Variants in MAGI2 observed in about 807,000 individuals in gnomAD.
MAGI2 encodes the protein membrane-associated guanylate kinase, WW and PDZ domain-containing protein 2.
In MAGI2, 35 loss-of-function variants were observed where a neutral mutation model predicts 133.3. The ratio of observed to expected loss-of-function variants is 0.26; its 90% CI spans 0.20 to 0.35. The LOEUF (loss-of-function observed/expected upper bound fraction) is 0.35, where lower values mean the gene tolerates loss of function less well. Among genes scored for constraint, MAGI2 ranks in the 10% least tolerant of loss-of-function variants. The pLI, the probability that MAGI2 is intolerant of heterozygous loss-of-function variation, is 1.00. For missense variants in MAGI2, 1,636 were observed against 1,863.4 expected (o/e 0.88, Z 2.25); for synonymous variants, 729 against 710.6 (o/e 1.03, Z -0.41).
rs960152617 is a variant in MAGI2, at chr7:78,618,320, CATGGAG to C, written c.538+8794_538+8799del. 1.1e-3 allele frequency: 169 copies of C among 152,008 alleles called. 1 individual carries two copies. Among genetic ancestry groups the C allele is most frequent in the African/African-American group, 3.6e-3 (149 of 41,504 alleles). The allele number at this position is 152,008 out of a possible 1,614,324, so 9.4% of individuals were successfully genotyped here. A position where few individuals can be genotyped will look rare whatever the true frequency, so the allele number is the denominator to read the frequency against. Reference sequence around the variant, plus strand: ...GAGGAAATTTACTGTATTTGAAAGTCATGGAGTTGTCAGATCCAGTGAATATATTAC... The same window carrying C: ...GAGGAAATTTACTGTATTTGAAAGTCTTGTCAGATCCAGTGAATATATTAC... On this transcript the variant is annotated intron_variant, in intron 3 of 21. Transcript: ENST00000354212.
intron 3 of MAGI2, among the ~76,000 whole-genome samples, chr7:78,613,177 A>G (rs575898823): frequency 1.3e-5 from 2 of 152,244 alleles, no homozygotes; most frequent in African/African-American, 4.8e-5. Flanking sequence ...AGGGTACATT[A>G]TATCAGTTTC....
chr7:79,418,704 A>T (rs1160181359), intron 1 of MAGI2, among the ~76,000 whole-genome samples: 1 of 151,900 alleles, frequency 6.6e-6, no homozygotes, highest in Non-Finnish European at 1.5e-5. Context: ...TTATGCTTCT[A>T]TGTTTCTAAA....
intron 2 of MAGI2, among the ~76,000 whole-genome samples, chr7:78,675,581 A>C (rs1245414683): frequency 2.6e-5 from 4 of 152,158 alleles, no homozygotes; most frequent in Non-Finnish European, 4.4e-5. Context: ...AATCAGAGTC[A>C]GGCTTTGCTC....
At chr7:78,792,499 C>A (rs1787254710) in intron 2 of MAGI2, among the ~76,000 whole-genome samples, 1 of 152,100 alleles carries the variant, frequency 6.6e-6, no homozygotes. Context: ...GTGTGAGAAG[C>A]CGATCATGGT....
intron 4 of MAGI2, chr7:78,518,564 T>C (rs1038008902): frequency 6.6e-6 from 1 of 152,210 alleles, no homozygotes; most frequent in African/African-American, 2.4e-5. Flanking sequence ...CTATTATCAA[T>C]ATTCCTTCGT....
At chr7:78,159,501 C>CTGCCTCCTGCCACTCTCCCT (rs1357318503) in intron 16 of MAGI2, among the ~76,000 whole-genome samples, 3 of 152,220 alleles carry the variant, frequency 2.0e-5, no homozygotes, top group African/African-American at 7.2e-5. Context: ...CCAGCACTGT[C>CTGCCTCCTGCCACTCTCCCT]TGCCTCCTGC....
At chr7:78,794,950 G>C (rs552330729) in intron 2 of MAGI2, among the ~76,000 whole-genome samples, 1 of 152,080 alleles carries the variant, frequency 6.6e-6, no homozygotes, top group Non-Finnish European at 1.5e-5. Flanking sequence ...GGCTGACCTT[G>C]AACTCTTGGG....
intron 2 of MAGI2, among the ~76,000 whole-genome samples, chr7:78,819,405 A>C (rs1789890512): frequency 6.6e-6 from 1 of 152,042 alleles, no homozygotes; most frequent in South Asian, 2.1e-4. Context: ...GTGATGTCCT[A>C]AGGGCATGGA....
chr7:78,962,052 T>C (rs1802894876), intron 2 of MAGI2, among the ~76,000 whole-genome samples: 1 of 152,032 alleles, frequency 6.6e-6, no homozygotes, highest in African/African-American at 2.4e-5. Flanking sequence ...AATATGATAT[T>C]ATTATATTAT....
chr7:78,160,340 A>G, intron 15 of MAGI2, 67 bp from the exon 16 acceptor site: 3 of 1,481,338 alleles, frequency 2.0e-6, no homozygotes, highest in Non-Finnish European at 2.7e-6. Flanking sequence ...CTTCCTATGT[A>G]CTAGGCACTG....
intron 20 of MAGI2, among the ~76,000 whole-genome samples, chr7:78,090,237 C>A (rs1817053472): frequency 6.6e-6 from 1 of 152,244 alleles, no homozygotes; most frequent in Non-Finnish European, 1.5e-5. Context: ...ATAGCACTTA[C>A]AGTCACACTG....
rs148870207 is a variant in MAGI2, at chr7:78,353,722, G to C, written c.1104-7679C>G. On this transcript the variant is annotated intron_variant, in intron 7 of 21. Coordinates refer to ENST00000354212, the MANE Select transcript of MAGI2 (RefSeq NM_012301.4). The stretch of plus-strand genomic sequence containing the variant: ...TGGAGAAGGGGGCATTTTAGGAAGA[G>C]AGTAGTAGATATAGAGGTGCTCAAT... Among the ~76,000 whole-genome samples, 563 of 152,268 alleles carry C rather than the reference G, an allele frequency of 3.7e-3. 9 individuals are homozygous for C. The highest frequency in any genetic ancestry group is 0.013 in the African/African-American group (531 of 41,556).
chr7:78,307,197 C>T (rs116568222), intron 9 of MAGI2, among the ~76,000 whole-genome samples: 4 of 152,086 alleles, frequency 2.6e-5, no homozygotes, highest in African/African-American at 7.2e-5. Flanking sequence ...TTTTGTAATA[C>T]AAAAGGTAAT....
At chr7:78,362,234 G>C (rs931228648) in intron 7 of MAGI2, among the ~76,000 whole-genome samples, 12 of 152,090 alleles carry the variant, frequency 7.9e-5, no homozygotes, top group Admixed American at 3.9e-4. Flanking sequence ...CCTGGGAGGC[G>C]GAGGTTGCAG....
chr7:78,326,890 T>A (rs1014117181), intron 9 of MAGI2, among the ~76,000 whole-genome samples: 1 of 152,178 alleles, frequency 6.6e-6, no homozygotes, highest in Admixed American at 6.5e-5. Flanking sequence ...CTTCAAGGTC[T>A]AGTTCTTCCA....
At chr7:78,879,458 G>A (rs1769315402) in intron 2 of MAGI2, among the ~76,000 whole-genome samples, 1 of 152,062 alleles carries the variant, frequency 6.6e-6, no homozygotes. Context: ...CAATGGAAGT[G>A]CATAGGCTAT....
intron 1 of MAGI2, among the ~76,000 whole-genome samples, chr7:79,141,319 G>C (rs1822109038): frequency 6.6e-6 from 1 of 152,050 alleles, no homozygotes; most frequent in South Asian, 2.1e-4. Flanking sequence ...CTTGGCTCTT[G>C]GATTTTTCAT....
intron 2 of MAGI2, among the ~76,000 whole-genome samples, chr7:78,937,416 G>A (rs998663099): frequency 6.6e-6 from 1 of 151,488 alleles, no homozygotes; most frequent in Non-Finnish European, 1.5e-5. Context: ...CAAATTACTA[G>A]AGGAGTAATA....
intron 1 of MAGI2, among the ~76,000 whole-genome samples, chr7:79,087,567 C>T (rs775645432): frequency 6.6e-6 from 1 of 151,734 alleles, no homozygotes; most frequent in Non-Finnish European, 1.5e-5. Flanking sequence ...AATAGATACT[C>T]ATGTGTTATA....
Sources: gnomAD v4.1 joint callset for allele counts (sites outside exome capture counted in the v4.1 genomes callset) on GRCh38, gnomAD v4.1.1 for gene constraint, MANE v1.5 for transcripts, NCBI Gene and HGNC (gene_info 2026-07-23, HGNC 2026-07-21) for gene names.